The following CD101 variants were observed in gnomAD, a reference collection of about 807,000 sequenced individuals.
CD101 encodes CD101 molecule.
CD101 carries 76 observed loss-of-function variants against 98.2 expected under a neutral mutation model. The ratio of observed to expected loss-of-function variants is 0.77; its 90% confidence interval spans 0.64 to 0.94. The LOEUF (loss-of-function observed/expected upper bound fraction) is 0.94. Ranked by LOEUF, CD101 falls within the 40% of genes least tolerant of loss-of-function variation. CD101 has a pLI of 0.00. For synonymous variants in CD101, 471 were observed against 472.7 expected (o/e 1.00, Z 0.05); for missense variants, 1,145 against 1,218.8 (o/e 0.94, Z 0.90).
chr1:117,019,468 A>G lies in CD101; in HGVS notation c.2017+908A>G, dbSNP rs1653439681. On this transcript the variant is annotated intron_variant, in intron 6 of 9. Coordinates refer to ENST00000682167, the MANE Select transcript of CD101 (RefSeq NM_001256106.3). This position sits in a 1 kb window ranked among gnomAD's most constrained non-coding sequence, Gnocchi z 4.3. ...ATTTGTCCTCTCTGTGGTATTTGCA[A>G]TTGCTGCCCCAATCTGTCTTCTTGA... Among the ~76,000 whole-genome samples the G allele has an allele frequency of 6.6e-6, 1 of 152,094 alleles. No homozygotes were observed.
chr1:117,033,842 T>C lies in CD101; in HGVS notation c.2825-18T>C. On this transcript the variant is annotated intron_variant, in intron 8 of 9. Transcript: ENST00000682167. This position sits in a 1 kb window ranked among gnomAD's most constrained non-coding sequence, Gnocchi z 4.8. ...AAGTTGGAGATGAATTACTCTCTTG[T>C]TTCTCCCTTCGTTGCAGAGCCCACG... 6.2e-7 allele frequency: 1 copy of C among 1,613,876 alleles called. No individual in the cohort carries two copies. The highest frequency in any genetic ancestry group is 8.5e-7 in the Non-Finnish European group (1 of 1,179,820).
intron 8 of CD101, chr1:117,032,581 G>A (rs536707523): frequency 4.6e-5 from 7 of 152,214 alleles, no homozygotes; most frequent in Non-Finnish European, 7.3e-5. Context: ...GAATCCTGTA[G>A]CTTAACCTTT....
At position 117,023,761 on chromosome 1, in the gene CD101, G is replaced by A. The variant is rs1042683510; in HGVS notation, c.2429-1748G>A. Among the ~76,000 whole-genome samples, 3 of 152,198 alleles carry A rather than the reference G, an allele frequency of 2.0e-5. No individual in the cohort carries two copies. Among genetic ancestry groups the A allele is most frequent in the South Asian group, 4.1e-4 (2 of 4,824 alleles). ...CAAGTGTCAAGCAGAACATACCTGTGGGCTTGGTGTGGCTGTGGACTTCCG... is the reference window on the plus strand; with the variant it reads ...CAAGTGTCAAGCAGAACATACCTGTAGGCTTGGTGTGGCTGTGGACTTCCG... On this transcript the variant is annotated intron_variant, in intron 7 of 9. Transcript: ENST00000682167. The surrounding 1 kb of genome is among the most constrained non-coding windows in gnomAD (Gnocchi z 4.4).
chr1:117,027,024 CTACCAA>C (rs1439196146), intron 8 of CD101, among the ~76,000 whole-genome samples: 1 of 152,200 alleles, frequency 6.6e-6, no homozygotes, highest in African/African-American at 2.4e-5. Context: ...CACAGCTCTA[CTACCAA>C]TACCAGCTAT....
At chr1:117,017,926 T>C (rs902842725) in intron 5 of CD101, among the ~76,000 whole-genome samples, 1 of 152,154 alleles carries the variant, frequency 6.6e-6, no homozygotes, top group Non-Finnish European at 1.5e-5. Context: ...AAACACTGCC[T>C]ATTTGTTGTG....
rs765224606 is a variant in CD101 at position 117,022,910 on chromosome 1, C to G, written c.2428+927C>G. The stretch of plus-strand genomic sequence containing the variant: ...TCCCTTCTGTATGTTCTTCAAGCCC[C>G]TTCTTCTCCCTGCTAAATGTGTGTG... On this transcript the variant is annotated intron_variant, in intron 7 of 9. Coordinates refer to ENST00000682167, the MANE Select transcript of CD101 (RefSeq NM_001256106.3). The surrounding 1 kb of genome is among the most constrained non-coding windows in gnomAD (Gnocchi z 4.8). Among the ~76,000 whole-genome samples, 1 of 152,192 alleles carries G rather than the reference C, an allele frequency of 6.6e-6. No individual in the cohort carries two copies. The highest frequency in any genetic ancestry group is 1.5e-5 in the Non-Finnish European group (1 of 68,044).
chr1:117,016,099 GC>G (rs1038566685), intron 4 of CD101, among the ~76,000 whole-genome samples: 2 of 151,452 alleles, frequency 1.3e-5, no homozygotes, highest in Non-Finnish European at 2.9e-5. Context: ...GACATAAGAA[GC>G]CTCTCTGTTT....
chr1:117,035,742 C>T (rs1472624237), intron 9 of CD101, among the ~76,000 whole-genome samples: 2 of 151,796 alleles, frequency 1.3e-5, no homozygotes, highest in African/African-American at 4.8e-5. Flanking sequence ...TTAGTAGAGA[C>T]GGGGTTTCAC....
chr1:117,025,957 T>C, intron 8 of CD101, 53 bp downstream of exon 8: 1 of 1,511,056 alleles, frequency 6.6e-7, no homozygotes. Flanking sequence ...TACATGGCTC[T>C]CCTCTTATCC....
At chr1:117,030,770 A>G (rs1238528138) in intron 8 of CD101, among the ~76,000 whole-genome samples, 1 of 151,964 alleles carries the variant, frequency 6.6e-6, no homozygotes, top group Non-Finnish European at 1.5e-5. Flanking sequence ...GCAAGAGCCA[A>G]CTCCCACATG....
Position 117,022,086 on chromosome 1 carries a change from C to A in CD101, c.2428+103C>A. ...GATTATGTGGAAGTAAAAATATGACCTAAAGTCATAGGAACAGTATCTACC... is the reference window on the plus strand; with the variant it reads ...GATTATGTGGAAGTAAAAATATGACATAAAGTCATAGGAACAGTATCTACC... On this transcript the variant is annotated intron_variant, in intron 7 of 9. Transcript: ENST00000682167. The surrounding 1 kb of genome is among the most constrained non-coding windows in gnomAD (Gnocchi z 4.8). 1 of 1,280,856 alleles carries A rather than the reference C, an allele frequency of 7.8e-7. No homozygotes were observed. Among genetic ancestry groups the A allele is most frequent in the Non-Finnish European group, 1.1e-6 (1 of 923,192 alleles). The allele number at this position is 1,280,856 out of a possible 1,614,324, so 79.3% of individuals were successfully genotyped here. A position where few individuals can be genotyped will look rare whatever the true frequency, so the allele number is the denominator to read the frequency against.
At chr1:117,011,509 G>C (rs1193609416) in intron 2 of CD101, 41 bp from the exon 3 acceptor site, 4 of 1,561,134 alleles carry the variant, frequency 2.6e-6, no homozygotes, top group Non-Finnish European at 3.5e-6. Context: ...CACTGGACAA[G>C]CACTGGGCCA....
chr1:117,012,012 GTGGGTATTTA>G lies in CD101; in HGVS notation c.841+49_841+58del, dbSNP rs1557767438. 6.8e-7 allele frequency: 1 copy of G among 1,480,516 alleles called. No homozygotes were observed. The highest frequency in any genetic ancestry group is 9.2e-7 in the Non-Finnish European group (1 of 1,082,538). The allele number at this position is 1,480,516 out of a possible 1,614,324, so 91.7% of individuals were successfully genotyped here. A position where few individuals can be genotyped will look rare whatever the true frequency, so the allele number is the denominator to read the frequency against. On this transcript the variant is annotated intron_variant, in intron 3 of 9. Transcript: ENST00000682167. This position sits in a 1 kb window ranked among gnomAD's most constrained non-coding sequence, Gnocchi z 4.0. ...TTCATTAATACACTAGTATTAGGTAGTGGGTATTTATGAGGTATGTTTTAATTTTTGTTCT... is the reference window on the plus strand; with the variant it reads ...TTCATTAATACACTAGTATTAGGTAGTGAGGTATGTTTTAATTTTTGTTCT...
rs756995466 is a variant in CD101, at chr1:117,011,689, G to A, written c.564G>A (p.Gln188=). The change falls in exon 3 of 10, where the codon CAG becomes CAA. Residue 188 remains glutamine, a synonymous_variant. Coordinates refer to ENST00000682167, the MANE Select transcript of CD101 (RefSeq NM_001256106.3). ...TCTCTGTCACCTGGTACCTAACACA[G>A]GATGGAGGAGGAAGCCAAGCCACTG... is the stretch of plus-strand genomic sequence containing the variant. ...THLSVTWYLT[Q]DGGGSQATEI... is the part of the protein sequence containing the mutation. 2 of 1,614,026 alleles carry A rather than the reference G, an allele frequency of 1.2e-6. No individual in the cohort carries two copies. The highest frequency in any genetic ancestry group is 1.7e-6 in the Non-Finnish European group (2 of 1,180,026).
At chr1:117,032,481 T>A (rs1654521379) in intron 8 of CD101, 1 of 152,224 alleles carries the variant, frequency 6.6e-6, no homozygotes, top group African/African-American at 2.4e-5. Flanking sequence ...GTAGGATTCG[T>A]CGGCAATGCC....
chr1:117,034,267 C>A, intron 9 of CD101, 133 bp downstream of exon 9: 2 of 757,892 alleles, frequency 2.6e-6, no homozygotes, highest in Non-Finnish European at 4.2e-6. Flanking sequence ...GTTCTACGCA[C>A]TGTTAGGTGT....
rs768204246 is a variant in CD101 at position 117,018,336 on chromosome 1, A to G, written c.1793A>G (p.Asn598Ser). The change falls in exon 6 of 10, where the codon AAT becomes AGT. Residue 598 changes from asparagine to serine, a missense_variant. Physicochemically the swap from Asn to Ser is conservative, Grantham distance 46. Transcript: ENST00000682167. The surrounding 1 kb of genome is among the most constrained non-coding windows in gnomAD (Gnocchi z 4.3). ...CACCAGCTTATTCGAATCACCCACA[A>G]TGGCACTATTGAATGGGGGAATTTC... ...IFHQLIRITH[N>S]GTIEWGNFLS... 4 of 1,614,160 alleles carry G rather than the reference A, an allele frequency of 2.5e-6. No individual in the cohort carries two copies. Among genetic ancestry groups the G allele is most frequent in the East Asian group, 2.2e-5 (1 of 44,890 alleles).
intron 8 of CD101, among the ~76,000 whole-genome samples, chr1:117,030,105 T>C (rs74111908): frequency 0.12 from 18,705 of 152,162 alleles, 1,356 homozygotes; most frequent in Middle Eastern, 0.23. Context: ...AAAGGTCTAT[T>C]TAGAAATTAG....
Position 117,033,981 on chromosome 1 carries a change from G to A in CD101, c.2946G>A (p.Arg982=), listed in dbSNP as rs764917182. ...ISLLCLYWKA[R]KLSTLRSNTR... is the part of the protein sequence containing the mutation. ...TCCTCTGCTTATACTGGAAGGCCAG[G>A]AAGTTGTCAACACTGCGTTCCAACA... is the stretch of plus-strand genomic sequence containing the variant. The change falls in exon 9 of 10, where the codon AGG becomes AGA. Residue 982 remains arginine (R), a synonymous_variant. Coordinates refer to ENST00000682167, the MANE Select transcript of CD101 (RefSeq NM_001256106.3). This position sits in a 1 kb window ranked among gnomAD's most constrained non-coding sequence, Gnocchi z 4.8. 1.2e-6 allele frequency: 2 copies of A among 1,614,106 alleles called. No homozygotes were observed. Among genetic ancestry groups the A allele is most frequent in the East Asian group, 4.5e-5 (2 of 44,886 alleles).
Sources: gnomAD v4.1 joint callset for allele counts (sites outside exome capture counted in the v4.1 genomes callset) on GRCh38, gnomAD v4.1.1 for gene constraint, Gnocchi (gnomAD v3.1) non-coding constraint, MANE v1.5 for transcripts, NCBI Gene and HGNC (gene_info 2026-07-23, HGNC 2026-07-21) for gene names.